Variants in PUM1 observed in about 807,000 individuals in gnomAD.
The protein encoded by PUM1 is pumilio RNA binding family member 1, also known as pumilio homolog 1.
PUM1 carries 13 observed loss-of-function variants against 131.8 expected under a neutral mutation model. The observed-to-expected ratio is 0.10, with a 90% CI of 0.06 to 0.16. The LOEUF (loss-of-function observed/expected upper bound fraction) is 0.16, where lower values mean the gene tolerates loss of function less well. PUM1 is among the 10% of genes least tolerant of loss of function. The pLI is 1.00. For missense variants in PUM1, 961 were observed against 1,512.4 expected, an observed-to-expected ratio of 0.64 and a Z score of 6.05; for synonymous variants, 509 against 556.5, an observed-to-expected ratio of 0.91 and a Z score of 1.20.
chr1:31,033,157 T>C (rs4949333), intron 2 of PUM1, among the ~76,000 whole-genome samples: 43,184 of 151,784 alleles, frequency 0.28, 6,599 homozygotes, highest in Non-Finnish European at 0.34. Context: ...GGAGACCATA[T>C]TGGTTATCGA....
At chr1:31,043,787 T>C (rs1225555333) in intron 2 of PUM1, among the ~76,000 whole-genome samples, 1 of 152,110 alleles carries the variant, frequency 6.6e-6, no homozygotes, top group African/African-American at 2.4e-5. Context: ...GAAAAGAAAG[T>C]AGTCATTAGC....
intron 3 of PUM1, among the ~76,000 whole-genome samples, chr1:31,021,705 T>C (rs1404447595): frequency 6.6e-6 from 1 of 152,160 alleles, no homozygotes; most frequent in African/African-American, 2.4e-5. Context: ...AGATCATCAT[T>C]TGTATCATCT....
At chr1:31,026,496 T>C (rs1643228778) in intron 3 of PUM1, among the ~76,000 whole-genome samples, 1 of 152,184 alleles carries the variant, frequency 6.6e-6, no homozygotes. Flanking sequence ...TCTTTCTGTT[T>C]ATATGTATAT....
chr1:31,062,513 G>A (rs1212911006), intron 1 of PUM1, among the ~76,000 whole-genome samples: 2 of 151,726 alleles, frequency 1.3e-5, no homozygotes, highest in African/African-American at 4.8e-5. Flanking sequence ...CCAGCTACTC[G>A]GGAGACTGAG....
intron 2 of PUM1, among the ~76,000 whole-genome samples, chr1:31,030,238 G>A (rs1278927597): frequency 6.6e-6 from 1 of 151,848 alleles, no homozygotes; most frequent in African/African-American, 2.4e-5. Flanking sequence ...AAAAGATGTA[G>A]GCTTTGCTCT....
rs1644438251 is a variant in PUM1, at chr1:31,064,526, C to T, written c.-12+1090G>A. Among the ~76,000 whole-genome samples the T allele has an allele frequency of 2.6e-5, 4 of 152,008 alleles. No homozygotes were observed. The South Asian group carries it at 8.3e-4, about 32-fold the overall frequency. ...TAAGTTTTTAGGTGCTTTCAAGAAA[C>T]AAAATGCTAAGCCTATTGTTTCAGA... On this transcript the variant is annotated intron_variant, in intron 1 of 21. Coordinates refer to ENST00000426105, the MANE Select transcript of PUM1 (RefSeq NM_001020658.2).
chr1:31,017,254 C>G (rs138752661), intron 3 of PUM1, among the ~76,000 whole-genome samples: 1 of 152,044 alleles, frequency 6.6e-6, no homozygotes, highest in East Asian at 1.9e-4. Flanking sequence ...CAAACGGACA[C>G]GTAATTTTAA....
intron 3 of PUM1, among the ~76,000 whole-genome samples, chr1:31,027,000 T>G (rs1284545441): frequency 6.7e-6 from 1 of 149,954 alleles, no homozygotes; most frequent in Non-Finnish European, 1.5e-5. Context: ...AAAAAAAGAA[T>G]TTAACACTGT....
intron 16 of PUM1, among the ~76,000 whole-genome samples, chr1:30,951,030 A>C (rs978290336): frequency 1.3e-5 from 2 of 152,236 alleles, no homozygotes; most frequent in African/African-American, 4.8e-5. Flanking sequence ...ACACAATGTT[A>C]AAATTCTACT....
intron 15 of PUM1, 45 bp from the exon 16 acceptor site, chr1:30,952,408 C>A (rs758413174): frequency 6.2e-7 from 1 of 1,612,274 alleles, no homozygotes; most frequent in Non-Finnish European, 8.5e-7. Flanking sequence ...TGAAGGAAGA[C>A]CTGGAGATAC....
chr1:30,995,352 T>C, intron 5 of PUM1, 132 bp from the exon 6 acceptor site: 2 of 962,692 alleles, frequency 2.1e-6, no homozygotes, highest in Non-Finnish European at 3.2e-6. Flanking sequence ...CATTACAATC[T>C]AATTAACAAA....
At chr1:31,040,865 G>GCA (rs922614970) in intron 2 of PUM1, among the ~76,000 whole-genome samples, 4 of 152,108 alleles carry the variant, frequency 2.6e-5, no homozygotes, top group African/African-American at 4.8e-5. Flanking sequence ...GAAAGAAAAC[G>GCA]CACACACACA....
intron 2 of PUM1, among the ~76,000 whole-genome samples, chr1:31,048,331 TAACTGA>T (rs1644020134): frequency 6.6e-6 from 1 of 151,866 alleles, no homozygotes; most frequent in Admixed American, 6.6e-5. Flanking sequence ...ACCACATCTA[TAACTGA>T]AATTCCAAAC....
In PUM1 at chr1:30,932,965, A is replaced by G; in HGVS notation, c.*246T>C. On this transcript the variant is annotated 3_prime_UTR_variant, in exon 22 of 22. Coordinates refer to ENST00000426105, the MANE Select transcript of PUM1 (RefSeq NM_001020658.2). ...TTGGTTACCTATGTACAAGTATCCT[A>G]TACACCAGTAAAACAGCAGGGCAAT... 1 of 394,896 alleles carries G rather than the reference A, an allele frequency of 2.5e-6. No individual in the cohort carries two copies. The highest frequency in any genetic ancestry group is 5.6e-5 in the East Asian group (1 of 17,772). The allele number at this position is 394,896 out of a possible 1,614,324, so 24.5% of individuals were successfully genotyped here.
At chr1:31,040,547 CA>C (rs970923877) in intron 2 of PUM1, among the ~76,000 whole-genome samples, 6 of 152,172 alleles carry the variant, frequency 3.9e-5, no homozygotes, top group East Asian at 1.9e-4. Flanking sequence ...TGGGTATTCA[CA>C]AAACTACAAA....
intron 20 of PUM1, among the ~76,000 whole-genome samples, chr1:30,938,920 CAGACAGACAGACAGACAGACAGACAGAT>C (rs1557543131): frequency 6.5e-4 from 54 of 83,124 alleles, no homozygotes; most frequent in African/African-American, 1.8e-3. Context: ...GACAGACAGA[CAGACAGACAGACAGACAGACAGACAGAT>C]AGACAGATAG....
chr1:31,038,984 A>ATATATT lies in PUM1; in HGVS notation c.364-10121_364-10120insAATATA. Among the ~76,000 whole-genome samples, 92 of 49,358 alleles carry ATATATT rather than the reference A, an allele frequency of 1.9e-3. 1 individual carries two copies. The highest frequency in any genetic ancestry group is 4.3e-3 in the African/African-American group (21 of 4,830). The allele number at this position is 49,358 out of a possible 152,430, so 32.4% of individuals were successfully genotyped here. On this transcript the variant is annotated intron_variant, in intron 2 of 21. Transcript: ENST00000426105. ...TATATATATATATATATATATATATATTTTTTTTTTTTTTTTCCTTTTCTC... is the reference window on the plus strand; with the variant it reads ...TATATATATATATATATATATATATATATATTTTTTTTTTTTTTTTTTCCTTTTCTC...
At chr1:31,052,715 T>C (rs1186404054) in intron 2 of PUM1, among the ~76,000 whole-genome samples, 1 of 151,232 alleles carries the variant, frequency 6.6e-6, no homozygotes, top group African/African-American at 2.4e-5. Context: ...TTTTTTTTTT[T>C]TGAGACAGAG....
At chr1:31,023,654 G>A (rs1332442140) in intron 3 of PUM1, among the ~76,000 whole-genome samples, 5 of 152,168 alleles carry the variant, frequency 3.3e-5, no homozygotes, top group African/African-American at 1.2e-4. Context: ...AACGAAGCCA[G>A]GCGCGGTGGC....
Sources: allele counts gnomAD v4.1 joint callset (sites outside exome capture counted in the v4.1 genomes callset), GRCh38; gene constraint gnomAD v4.1.1; transcripts MANE v1.5; gene names NCBI Gene and HGNC (gene_info 2026-07-23, HGNC 2026-07-21).